Variants in ARHGAP29 observed in about 807,000 individuals in gnomAD.
ARHGAP29 encodes the protein Rho GTPase activating protein 29, also known as rho GTPase-activating protein 29.
Under a neutral mutation model 122.6 loss-of-function variants are expected in ARHGAP29, and 43 were observed. The observed-to-expected ratio is 0.35, with a 90% CI of 0.27 to 0.45. The LOEUF (loss-of-function observed/expected upper bound fraction) is 0.45. Ranked by LOEUF, ARHGAP29 falls within the 20% of genes least tolerant of loss-of-function variation. ARHGAP29 has a pLI of 1.00. For missense variants in ARHGAP29, 1,303 were observed against 1,477.2 expected (o/e 0.88, Z 1.93); for synonymous variants, 506 against 497.1 (o/e 1.02, Z -0.24).
chr1:94,205,339 A>C (rs1471715805), intron 6 of ARHGAP29, 141 bp from the exon 7 acceptor site: 16 of 681,264 alleles, frequency 2.3e-5, no homozygotes, highest in Non-Finnish European at 1.6e-5. Flanking sequence ...TTACAATTAA[A>C]AGGCCAGAGT....
chr1:94,276,776 G>A (rs775190485), upstream of ARHGAP29, among the ~76,000 whole-genome samples: 1 of 75,172 alleles, frequency 1.3e-5, no homozygotes, highest in South Asian at 6.1e-4. Flanking sequence ...GTGAGACCCT[G>A]TCTCAAAAAA....
chr1:94,203,876 G>C (rs958889245), intron 8 of ARHGAP29, 54 bp downstream of exon 8: 6 of 1,479,308 alleles, frequency 4.1e-6, no homozygotes, highest in African/African-American at 2.8e-5. Flanking sequence ...AAATTATTGG[G>C]AGTTCATGAG....
At chr1:94,237,318 G>A (rs1349972116) in intron 1 of ARHGAP29, 97 bp downstream of exon 1, 13 of 874,772 alleles carry the variant, frequency 1.5e-5, no homozygotes, top group Non-Finnish European at 1.8e-5. Context: ...CGGGCCTCCC[G>A]GACCCTGGAC....
Position 94,247,764 on chromosome 1 carries a change from G to C in ARHGAP29, c.-32-16121C>G, listed in dbSNP as rs906309293. ...TTGCAGCTACCGCCACGGCTGCGCC[G>C]GCCGCCTGCCCCGCCCCTTGGAGCC... On this transcript the variant is annotated intron_variant and NMD_transcript_variant, in intron 1 of 25. Coordinates refer to the ARHGAP29 transcript ENST00000552844. The C allele has an allele frequency of 7.2e-6, 4 of 552,320 alleles. No individual in the cohort carries two copies. The African/African-American group carries it at 8.2e-5, about 11-fold the overall frequency. 34.2% of individuals were successfully genotyped at this position (552,320 alleles called of 1,614,324 possible). A position where few individuals can be genotyped will look rare whatever the true frequency, so the allele number is the denominator to read the frequency against.
At chr1:94,195,484 T>A (rs1650397237) in intron 12 of ARHGAP29, 1 of 151,962 alleles carries the variant, frequency 6.6e-6, no homozygotes, top group African/African-American at 2.4e-5. Flanking sequence ...ACCAATTTTT[T>A]AAAAAAGGTA....
At position 94,202,907 on chromosome 1, in the gene ARHGAP29, T is replaced by A. The variant is rs371113290; in HGVS notation, c.954+11A>T. 2.8e-5 allele frequency: 44 copies of A among 1,594,386 alleles called. No individual in the cohort carries two copies. Among genetic ancestry groups the A allele is most frequent in the Non-Finnish European group, 3.6e-5 (42 of 1,172,566 alleles). ...ACAAATAGGTACATGAAACTCCATT[T>A]TAATACTAACCATTTTATTTTGCTC... On this transcript the variant is annotated intron_variant, in intron 10 of 22. Coordinates refer to ENST00000260526, the MANE Select transcript of ARHGAP29 (RefSeq NM_004815.4).
chr1:94,278,282 G>A (rs979640387), upstream of ARHGAP29, among the ~76,000 whole-genome samples: 33 of 151,870 alleles, frequency 2.2e-4, no homozygotes, highest in Admixed American at 1.5e-3. Flanking sequence ...TCATGGCGCC[G>A]CATTCCAGCG....
At chr1:94,245,498 A>C (rs1653761093) in intron 1 of ARHGAP29, among the ~76,000 whole-genome samples, 1 of 152,206 alleles carries the variant, frequency 6.6e-6, no homozygotes, top group African/African-American at 2.4e-5. Flanking sequence ...GTATGATTCC[A>C]TTTACATAAA....
intron 1 of ARHGAP29, among the ~76,000 whole-genome samples, chr1:94,247,241 G>A (rs1159858629): frequency 6.6e-6 from 1 of 152,054 alleles, no homozygotes; most frequent in Non-Finnish European, 1.5e-5. Context: ...CCTGAATTCC[G>A]CAGTGAGGCG....
chr1:94,216,725 G>A (rs1258035644), intron 3 of ARHGAP29, among the ~76,000 whole-genome samples: 1 of 151,750 alleles, frequency 6.6e-6, no homozygotes, highest in Non-Finnish European at 1.5e-5. Flanking sequence ...CTAAATTAAG[G>A]GTTATTTTCA....
chr1:94,236,684 T>A (rs11165099), intron 1 of ARHGAP29, among the ~76,000 whole-genome samples: 55,478 of 150,496 alleles, frequency 0.37, 10,261 homozygotes, highest in South Asian at 0.42. Flanking sequence ...CCCCAAAAAA[T>A]TTTTTTTTTT....
chr1:94,174,140 G>C lies in ARHGAP29; in HGVS notation c.3515C>G (p.Pro1172Arg). ...CTCATTCCCCCTGATACTGATGATGGGAGCATGTGGTTTATAAAATGTTGT... is the reference window on the plus strand; with the variant it reads ...CTCATTCCCCCTGATACTGATGATGCGAGCATGTGGTTTATAAAATGTTGT... ...HWTTFYKPHA[P>R]IISIRGNEEK... is the part of the protein sequence containing the mutation. The change falls in exon 23 of 23, where the codon CCC becomes CGC. Residue 1172 changes from proline to arginine, a missense_variant. This residue lies in a region of ARHGAP29 where 620 missense variants were observed against 651.2 expected (regional missense o/e 0.95). Coordinates refer to ENST00000260526, the MANE Select transcript of ARHGAP29 (RefSeq NM_004815.4). 1 of 1,614,172 alleles carries C rather than the reference G, an allele frequency of 6.2e-7. No homozygotes were observed. The highest frequency in any genetic ancestry group is 1.3e-5 in the African/African-American group (1 of 75,054).
At chr1:94,237,848 C>A (rs1250395929), upstream of ARHGAP29, 2 of 790,452 alleles carry the variant, frequency 2.5e-6, no homozygotes, top group African/African-American at 3.7e-5. Context: ...CACCTGAGGA[C>A]TAGATGCGGC....
intron 12 of ARHGAP29, among the ~76,000 whole-genome samples, chr1:94,200,922 T>G (rs1650800715): frequency 6.6e-6 from 1 of 152,206 alleles, no homozygotes; most frequent in Admixed American, 6.5e-5. Context: ...AAGGAATCAT[T>G]TTTAAGTGAT....
At chr1:94,286,983 C>T in the ARHGAP29 span, among the ~76,000 whole-genome samples, 99 of 152,284 alleles carry the variant, frequency 6.5e-4, no homozygotes, top group African/African-American at 2.1e-3. Context: ...CTGGAGGTAG[C>T]ATTAGATCCC....
upstream of ARHGAP29, chr1:94,237,890 G>A (rs1451744413): frequency 4.4e-6 from 2 of 451,002 alleles, no homozygotes; most frequent in Non-Finnish European, 5.9e-6. Flanking sequence ...CATTTCTTAT[G>A]AGACACTTCT....
chr1:94,212,975 A>T (rs1387119573), intron 3 of ARHGAP29, among the ~76,000 whole-genome samples: 1 of 152,132 alleles, frequency 6.6e-6, no homozygotes, highest in East Asian at 1.9e-4. Context: ...AACACACTCA[A>T]ATCTTTCCTA....
intron 3 of ARHGAP29, among the ~76,000 whole-genome samples, chr1:94,219,081 C>G (rs906498968): frequency 1.3e-5 from 2 of 152,114 alleles, no homozygotes; most frequent in Middle Eastern, 3.2e-3. Context: ...GTTCCTCACT[C>G]TGTGCTCCCA....
intron 5 of ARHGAP29, 126 bp from the exon 6 acceptor site, chr1:94,205,809 T>A: frequency 1.3e-6 from 1 of 776,192 alleles, no homozygotes; most frequent in Non-Finnish European, 2.1e-6. Flanking sequence ...ATTTAAAACT[T>A]AAAGGCCTTA....
Sources: gnomAD v4.1 joint callset for allele counts (sites outside exome capture counted in the v4.1 genomes callset) on GRCh38, gnomAD v4.1.1 for gene constraint, gnomAD v4.1.1 regional missense constraint, MANE v1.5 for transcripts, NCBI Gene and HGNC (gene_info 2026-07-23, HGNC 2026-07-21) for gene names.